Variants in MIOX observed in about 807,000 individuals in gnomAD.
The protein encoded by MIOX is myo-inositol oxygenase, also known as inositol oxygenase.
In MIOX, 51 loss-of-function variants were observed where a neutral mutation model predicts 42.7. That is an observed-to-expected ratio of 1.19 (90% confidence interval 0.95 to 1.51). The LOEUF (loss-of-function observed/expected upper bound fraction) is 1.51, where lower values mean the gene tolerates loss of function less well. MIOX is among the 40% of genes most tolerant of loss of function. The pLI, the probability that MIOX is intolerant of heterozygous loss-of-function variation, is 0.00. For missense variants in MIOX, 395 were observed against 381.3 expected (o/e 1.04, Z -0.30); for synonymous variants, 168 against 154.4 (o/e 1.09, Z -0.65).
At chr22:50,486,999 C>A in intron 1 of MIOX, 87 bp downstream of exon 1, 2 of 1,536,582 alleles carry the variant, frequency 1.3e-6, no homozygotes, top group Non-Finnish European at 1.8e-6. Flanking sequence ...CTGGCACTGG[C>A]CAGCCCTCCT....
Position 50,490,106 on chromosome 22 carries a change from G to A in MIOX, c.*250G>A. The A allele has an allele frequency of 3.7e-6, 2 of 535,952 alleles. No individual in the cohort carries two copies. Among genetic ancestry groups the A allele is most frequent in the East Asian group, 3.2e-5 (1 of 31,056 alleles). The allele number at this position is 535,952 out of a possible 1,614,324, so 33.2% of individuals were successfully genotyped here. A position where few individuals can be genotyped will look rare whatever the true frequency, so the allele number is the denominator to read the frequency against. On this transcript the variant is annotated 3_prime_UTR_variant, in exon 10 of 10. Transcript: ENST00000216075. ...TGGCCCAGGCCGAGGGATGGTGCCA[G>A]CAGGGTGGAGGCCAAGTCCCAGGCT...
chr22:50,488,522 G>T (rs534932570), intron 5 of MIOX, among the ~76,000 whole-genome samples, 180 bp downstream of exon 5: 135 of 135,834 alleles, frequency 9.9e-4, no homozygotes, highest in African/African-American at 2.2e-3. Flanking sequence ...CTACCTGGGG[G>T]ACAGGCCAGT....
rs2068275803 is a variant in MIOX, at chr22:50,486,929, C to T, written c.15+17C>T. On this transcript the variant is annotated intron_variant, in intron 1 of 9. Transcript: ENST00000216075. ...GTGACGGTGGTGAGTACCCAGACCC[C>T]ATGCAGAGAGGCTCTGCTGACTGCT... 1 of 1,613,598 alleles carries T rather than the reference C, an allele frequency of 6.2e-7. No homozygotes were observed. Among genetic ancestry groups the T allele is most frequent in the Non-Finnish European group, 8.5e-7 (1 of 1,179,936 alleles).
intron 2 of MIOX, 44 bp from the exon 3 acceptor site, chr22:50,487,618 C>A: frequency 6.3e-7 from 1 of 1,588,978 alleles, no homozygotes; most frequent in Non-Finnish European, 8.6e-7. Context: ...CATGGGGCCT[C>A]GTGTGCAGGG....
Position 50,488,908 on chromosome 22 carries a change from C to T in MIOX, c.409-132C>T, listed in dbSNP as rs551327993. On this transcript the variant is annotated intron_variant, in intron 5 of 9. Coordinates refer to ENST00000216075, the MANE Select transcript of MIOX (RefSeq NM_017584.6). ...GTCCCTCCTGTCCCTCTGCAGTGGG[C>T]AGTCATCGGTGACACCTTCCCCCAC... The T allele has an allele frequency of 6.0e-3, 3,473 of 576,756 alleles. 53 individuals are homozygous for T. The highest frequency in any genetic ancestry group is 0.016 in the Middle Eastern group (37 of 2,302). 35.7% of individuals were successfully genotyped at this position (576,756 alleles called of 1,614,324 possible).
rs534542485 is a variant in MIOX at position 50,488,207 on chromosome 22, C to T, written c.341-68C>T. 7.2e-5 allele frequency: 115 copies of T among 1,605,162 alleles called. No homozygotes were observed. The African/African-American group carries it at 9.0e-4, about 12-fold the overall frequency. ...CTGGACCCTTCCTGGCTCTCAGCCC[C>T]GCAAACCTGCTCATCCTCTGCCTTG... On this transcript the variant is annotated intron_variant, in intron 4 of 9. Transcript: ENST00000216075.
chr22:50,489,189 C>T (rs201497572), intron 6 of MIOX, 39 bp from the exon 7 acceptor site: 232 of 1,611,546 alleles, frequency 1.4e-4, no homozygotes, highest in African/African-American at 2.9e-4. Context: ...CTTCCCTGGG[C>T]GGCTGCTGAG....
chr22:50,490,300 T>C lies in MIOX; in HGVS notation c.*444T>C, dbSNP rs1251604137. On this transcript the variant is annotated 3_prime_UTR_variant, in exon 10 of 10. Transcript: ENST00000216075. ...TTAAAAAATACCCCAATAGCTAAAA[T>C]AATACATTCATAGAAAACAACAAAA... 1 of 188,190 alleles carries C rather than the reference T, an allele frequency of 5.3e-6. No homozygotes were observed. Among genetic ancestry groups the C allele is most frequent in the Non-Finnish European group, 1.1e-5 (1 of 88,554 alleles). 11.7% of individuals were successfully genotyped at this position (188,190 alleles called of 1,614,324 possible). A position where few individuals can be genotyped will look rare whatever the true frequency, so the allele number is the denominator to read the frequency against.
chr22:50,487,029 G>T lies in MIOX; in HGVS notation c.15+117G>T, dbSNP rs1441434855. 7.3e-6 allele frequency: 10 copies of T among 1,378,190 alleles called. No homozygotes were observed. The East Asian group carries it at 2.4e-4, about 33-fold the overall frequency. 85.4% of individuals were successfully genotyped at this position (1,378,190 alleles called of 1,614,324 possible). ...CCTCCTCCTCCGTCCAGCTGGGCAA[G>T]AGCCAGCGGCTGCCGACCCCCAGGC... On this transcript the variant is annotated intron_variant, in intron 1 of 9. Coordinates refer to ENST00000216075, the MANE Select transcript of MIOX (RefSeq NM_017584.6).
chr22:50,488,226 T>G (rs765099834), intron 4 of MIOX, 49 bp from the exon 5 acceptor site: 1 of 1,611,860 alleles, frequency 6.2e-7, no homozygotes, highest in East Asian at 2.2e-5. Context: ...GCTCATCCTC[T>G]GCCTTGGCCC....
Position 50,488,851 on chromosome 22 carries a change from A to G in MIOX, c.409-189A>G, listed in dbSNP as rs151240752. Among the ~76,000 whole-genome samples the G allele has an allele frequency of 5.2e-3, 194 of 37,450 alleles. 7 individuals carry two copies. The highest frequency in any genetic ancestry group is 7.3e-3 in the Admixed American group (19 of 2,604). The allele number at this position is 37,450 out of a possible 152,430, so 24.6% of individuals were successfully genotyped here. A position where few individuals can be genotyped will look rare whatever the true frequency, so the allele number is the denominator to read the frequency against. ...CCCTCTGCAGTGGGCAGTCATCGGCAACATCTTCCCCCACTCCCCCCATGG... is the reference window on the plus strand; with the variant it reads ...CCCTCTGCAGTGGGCAGTCATCGGCGACATCTTCCCCCACTCCCCCCATGG... On this transcript the variant is annotated intron_variant, in intron 5 of 9. Transcript: ENST00000216075.
chr22:50,486,965 C>T, intron 1 of MIOX, 53 bp downstream of exon 1: 1 of 1,606,514 alleles, frequency 6.2e-7, no homozygotes, highest in Non-Finnish European at 8.5e-7. Context: ...CTCCTGGTGG[C>T]CAGCCACTCC....
At chr22:50,486,989 C>A in intron 1 of MIOX, 77 bp downstream of exon 1, 1 of 1,572,288 alleles carries the variant, frequency 6.4e-7, no homozygotes, top group Non-Finnish European at 8.7e-7. Flanking sequence ...CCTCTTCTAG[C>A]TGGCACTGGC....
In MIOX at chr22:50,490,278, A is replaced by C. The variant is rs375501323; in HGVS notation, c.*422A>C. The stretch of plus-strand genomic sequence containing the variant: ...AAGTCCTCTGGGCTCCGTCCCCTTA[A>C]AAAATACCCCAATAGCTAAAATAAT... On this transcript the variant is annotated 3_prime_UTR_variant, in exon 10 of 10. Transcript: ENST00000216075. 5 of 208,166 alleles carry C rather than the reference A, an allele frequency of 2.4e-5. No individual in the cohort carries two copies. Among genetic ancestry groups the C allele is most frequent in the Non-Finnish European group, 4.0e-5 (4 of 101,238 alleles). 12.9% of individuals were successfully genotyped at this position (208,166 alleles called of 1,614,324 possible). A position where few individuals can be genotyped will look rare whatever the true frequency, so the allele number is the denominator to read the frequency against.
chr22:50,488,117 G>A, intron 4 of MIOX, 69 bp downstream of exon 4: 1 of 1,602,004 alleles, frequency 6.2e-7, no homozygotes, highest in Non-Finnish European at 8.5e-7. Context: ...AGCCTGTAGG[G>A]TGGGAGGGGA....
At position 50,488,272 on chromosome 22, in the gene MIOX, C is replaced by T. The variant is rs770385906; in HGVS notation, c.341-3C>T. The stretch of plus-strand genomic sequence containing the variant: ...CAACCTGCCCTGTCCATCCCCCTCC[C>T]AGACTGGTTCCACCTCGTCGGGCTC... On this transcript the variant is annotated splice_polypyrimidine_tract_variant and splice_region_variant and intron_variant, in intron 4 of 9. Coordinates refer to ENST00000216075, the MANE Select transcript of MIOX (RefSeq NM_017584.6). 3.1e-6 allele frequency: 5 copies of T among 1,613,452 alleles called. No individual in the cohort carries two copies. Among genetic ancestry groups the T allele is most frequent in the Non-Finnish European group, 4.2e-6 (5 of 1,179,760 alleles).
intron 4 of MIOX, 31 bp from the exon 5 acceptor site, chr22:50,488,244 C>T: frequency 6.2e-7 from 1 of 1,613,394 alleles, no homozygotes; most frequent in Non-Finnish European, 8.5e-7. Flanking sequence ...CCCCTGCAGT[C>T]CCCAACCTGC....
At chr22:50,487,630 G>T (rs750945165) in intron 2 of MIOX, 32 bp from the exon 3 acceptor site, 3 of 1,601,336 alleles carry the variant, frequency 1.9e-6, no homozygotes, top group Non-Finnish European at 2.6e-6. Context: ...TGTGCAGGGT[G>T]GGGGTGGCGC....
chr22:50,487,812 C>T (rs1039437275), intron 3 of MIOX, 70 bp downstream of exon 3: 55 of 1,609,838 alleles, frequency 3.4e-5, no homozygotes, highest in Non-Finnish European at 4.7e-5. Flanking sequence ...GCCCACCAGG[C>T]GCCGAGGGGA....
Sources: allele counts gnomAD v4.1 joint callset (sites outside exome capture counted in the v4.1 genomes callset), GRCh38; gene constraint gnomAD v4.1.1; transcripts MANE v1.5; gene names NCBI Gene and HGNC (gene_info 2026-07-23, HGNC 2026-07-21).